ZC3H3: variants seen among roughly 807,000 people sequenced by gnomAD.
ZC3H3 encodes zinc finger CCCH domain-containing protein 3.
In ZC3H3, 36 loss-of-function variants were observed where a neutral mutation model predicts 77.3. The observed-to-expected ratio is 0.47, with a 90% confidence interval of 0.36 to 0.61. The LOEUF (loss-of-function observed/expected upper bound fraction) is 0.61. Ranked by LOEUF, ZC3H3 falls within the 20% of genes least tolerant of loss-of-function variation. The probability of loss-of-function intolerance (pLI) is 0.00; values close to 1 mark genes in which losing one functional copy is unlikely to be tolerated. For missense variants in ZC3H3, 1,331 were observed against 1,312.2 expected (o/e 1.01, Z -0.22); for synonymous variants, 626 against 555.2 (o/e 1.13, Z -1.79).
Position 143,468,219 on chromosome 8 carries a change from G to A in ZC3H3, c.2165C>T (p.Ser722Phe). The A allele has an allele frequency of 6.2e-7, 1 of 1,612,716 alleles. No homozygotes were observed. Among genetic ancestry groups the A allele is most frequent in the Non-Finnish European group, 8.5e-7 (1 of 1,179,702 alleles). The change falls in exon 8 of 12, where the codon TCC (serine) becomes TTC (phenylalanine). Residue 722 changes from serine (S) to phenylalanine (F), a missense_variant. Coordinates refer to ENST00000262577, the MANE Select transcript of ZC3H3 (RefSeq NM_015117.3). ...CAGCGCCGCACTCACCTTCTCCTTG[G>A]ACACATGGTGGGAGAAGGGGCAGGT... is the stretch of plus-strand genomic sequence containing the variant. ...DGTCPFSHHV[S>F]KEKMPVCSYF...
chr8:143,483,799 C>G (rs11785340), intron 4 of ZC3H3, among the ~76,000 whole-genome samples: 6 of 152,184 alleles, frequency 3.9e-5, no homozygotes, highest in Non-Finnish European at 8.8e-5. Flanking sequence ...ATACCCAGAC[C>G]GTGGGGCCCT....
chr8:143,495,201 C>T (rs1821314258), intron 4 of ZC3H3, among the ~76,000 whole-genome samples: 1 of 152,202 alleles, frequency 6.6e-6, no homozygotes, highest in African/African-American at 2.4e-5. Flanking sequence ...AAGTGCGGAA[C>T]AAGAAAGGAA....
In ZC3H3 at chr8:143,538,124, G is replaced by C. The variant is rs1344195461; in HGVS notation, c.1243C>G (p.Pro415Ala). 16 of 1,613,046 alleles carry C rather than the reference G, an allele frequency of 9.9e-6. No individual in the cohort carries two copies. The highest frequency in any genetic ancestry group is 1.4e-5 in the Non-Finnish European group (16 of 1,180,036). ...SQLSPVLSRSPSGDRPAVGHS... is the reference protein window; with the variant it reads ...SQLSPVLSRSASGDRPAVGHS... Reference sequence around the variant, plus strand: ...CCTACTGCTGGTCTGTCCCCCGACGGGGACCTAGACAGGACTGGGGAGAGC... The same window carrying C: ...CCTACTGCTGGTCTGTCCCCCGACGCGGACCTAGACAGGACTGGGGAGAGC... Residue 415 changes from proline to alanine, a missense_variant, in exon 2 of 12, where the codon CCG becomes GCG. This residue lies in a region of ZC3H3 where 978 missense variants were observed against 915.5 expected (regional missense o/e 1.07). Coordinates refer to ENST00000262577, the MANE Select transcript of ZC3H3 (RefSeq NM_015117.3).
intron 3 of ZC3H3, among the ~76,000 whole-genome samples, chr8:143,512,879 G>A (rs938186777): frequency 5.3e-5 from 8 of 152,242 alleles, no homozygotes; most frequent in Non-Finnish European, 4.4e-5. Flanking sequence ...GGCGCGGGGA[G>A]GTACACGCAG....
Position 143,499,918 on chromosome 8 carries a change from C to T in ZC3H3, c.1715+7828G>A, listed in dbSNP as rs1369276340. On this transcript the variant is annotated intron_variant, in intron 4 of 11. Transcript: ENST00000262577. ...CAGCCCAGGAGGCCCGCAGCAGTGC[C>T]GCCTCTCAGCTGGCCTGCTCCTCAC... Among the ~76,000 whole-genome samples, 7 of 152,326 alleles carry T rather than the reference C, an allele frequency of 4.6e-5. No individual in the cohort carries two copies. The East Asian group carries it at 9.6e-4, about 21-fold the overall frequency.
intron 9 of ZC3H3, among the ~76,000 whole-genome samples, chr8:143,452,936 T>C (rs535306110): frequency 5.9e-5 from 9 of 152,216 alleles, no homozygotes; most frequent in African/African-American, 2.2e-4. Flanking sequence ...CATAAGCCTA[T>C]AGATTCAGGA....
intron 3 of ZC3H3, among the ~76,000 whole-genome samples, chr8:143,518,087 G>A (rs375074954): frequency 6.6e-6 from 1 of 152,204 alleles, no homozygotes; most frequent in Non-Finnish European, 1.5e-5. Flanking sequence ...CTGCATGAGC[G>A]CCATGGCCCT....
intron 5 of ZC3H3, among the ~76,000 whole-genome samples, chr8:143,474,610 G>A (rs948382208): frequency 6.6e-6 from 1 of 152,176 alleles, no homozygotes; most frequent in Non-Finnish European, 1.5e-5. Context: ...CCCTGCCGTC[G>A]GAGTCTACCT....
intron 4 of ZC3H3, among the ~76,000 whole-genome samples, chr8:143,491,319 C>A (rs868684086): frequency 9.2e-5 from 14 of 152,248 alleles, no homozygotes; most frequent in African/African-American, 2.4e-4. Context: ...CCTGTCCCTG[C>A]GATGCCACTG....
At chr8:143,452,690 TA>T (rs1246691400) in intron 9 of ZC3H3, among the ~76,000 whole-genome samples, 1 of 151,724 alleles carries the variant, frequency 6.6e-6, no homozygotes, top group Non-Finnish European at 1.5e-5. Context: ...ATAACTGAAA[TA>T]AAAAACTCAG....
intron 1 of ZC3H3, among the ~76,000 whole-genome samples, 175 bp from the exon 2 acceptor site, chr8:143,539,495 C>T (rs1475785590): frequency 6.6e-6 from 1 of 152,194 alleles, no homozygotes. Context: ...ACTCAGCCCG[C>T]GTCACCTGGG....
At chr8:143,439,190 G>A (rs1043322615) in intron 11 of ZC3H3, among the ~76,000 whole-genome samples, 3 of 152,072 alleles carry the variant, frequency 2.0e-5, no homozygotes, top group Non-Finnish European at 2.9e-5. Flanking sequence ...TGGAGGGAGC[G>A]GGTGCCCAGG....
intron 5 of ZC3H3, among the ~76,000 whole-genome samples, chr8:143,470,135 C>T (rs1055928273): frequency 1.3e-5 from 2 of 152,198 alleles, no homozygotes; most frequent in Non-Finnish European, 1.5e-5. Flanking sequence ...GCCCCCCCCA[C>T]TCCTCGCTTT....
chr8:143,534,464 C>T (rs565212702), intron 3 of ZC3H3, among the ~76,000 whole-genome samples: 2 of 152,202 alleles, frequency 1.3e-5, no homozygotes, highest in East Asian at 1.9e-4. Flanking sequence ...GAAGCAACCT[C>T]CCCCATCCCC....
chr8:143,467,813 C>T (rs1586892917), intron 8 of ZC3H3, among the ~76,000 whole-genome samples: 1 of 103,290 alleles, frequency 9.7e-6, no homozygotes, highest in South Asian at 3.3e-4. Context: ...CCAGCCCCCT[C>T]ACATACAGCT....
At chr8:143,477,408 C>G (rs1423800628) in intron 4 of ZC3H3, among the ~76,000 whole-genome samples, 1 of 152,182 alleles carries the variant, frequency 6.6e-6, no homozygotes, top group Non-Finnish European at 1.5e-5. Context: ...TCCAGCTGCT[C>G]CCCAACCCCC....
intron 3 of ZC3H3, among the ~76,000 whole-genome samples, chr8:143,526,060 G>A (rs907905660): frequency 6.6e-6 from 1 of 152,230 alleles, no homozygotes; most frequent in African/African-American, 2.4e-5. Flanking sequence ...CATAGTTCAA[G>A]TCCACCCAGG....
At position 143,440,681 on chromosome 8, in the gene ZC3H3, C is replaced by T. The variant is rs572086485; in HGVS notation, c.2492+255G>A. Among the ~76,000 whole-genome samples the T allele has an allele frequency of 2.6e-5, 4 of 152,324 alleles. No individual in the cohort carries two copies. In the East Asian group the frequency reaches 7.7e-4, roughly 29 times the overall value. On this transcript the variant is annotated intron_variant, in intron 10 of 11. Transcript: ENST00000262577. ...CCCGGGGCTGGGCCTCCCACCCGGT[C>T]CCAGTGAGCAGGTCTCTGTGAGGCC...
intron 3 of ZC3H3, among the ~76,000 whole-genome samples, chr8:143,531,493 C>T (rs1822605553): frequency 6.6e-6 from 1 of 152,226 alleles, no homozygotes; most frequent in Non-Finnish European, 1.5e-5. Flanking sequence ...CAAACAGTCT[C>T]AGTCCCCAGG....
Sources: gnomAD v4.1 joint callset for allele counts (sites outside exome capture counted in the v4.1 genomes callset) on GRCh38, gnomAD v4.1.1 for gene constraint, gnomAD v4.1.1 regional missense constraint, MANE v1.5 for transcripts, NCBI Gene and HGNC (gene_info 2026-07-23, HGNC 2026-07-21) for gene names.